Variants in FAM133A observed in about 807,000 individuals in gnomAD.
FAM133A encodes protein FAM133A.
For missense variants in FAM133A, 159 were observed against 164.4 expected (o/e 0.97, Z 0.18); for synonymous variants, 65 against 58.6 (o/e 1.11, Z -0.50).
intron 3 of FAM133A, among the ~76,000 whole-genome samples, chrX:93,701,079 T>C (rs1220946609): frequency 1.8e-5 from 2 of 111,316 alleles, no homozygotes; most frequent in Non-Finnish European, 3.8e-5. Context: ...GCTAGGGAAA[T>C]GTTGACATAT....
intron 2 of FAM133A, among the ~76,000 whole-genome samples, chrX:93,697,436 G>T (rs1001889416): frequency 1.8e-5 from 2 of 110,248 alleles, no homozygotes; most frequent in Non-Finnish European, 3.8e-5. Flanking sequence ...GTAAAACTGA[G>T]AAATGTTTAC....
intron 2 of FAM133A, among the ~76,000 whole-genome samples, chrX:93,686,908 C>T (rs993436729): frequency 1.8e-5 from 2 of 112,326 alleles, no homozygotes; most frequent in African/African-American, 3.2e-5. Context: ...CATGGCCATT[C>T]ACTGTCTGGC....
At chrX:93,706,424 C>G (rs1015340033) in intron 3 of FAM133A, among the ~76,000 whole-genome samples, 4 of 111,583 alleles carry the variant, frequency 3.6e-5, no homozygotes, top group African/African-American at 6.5e-5. Context: ...CTTTTTTCCA[C>G]TTGAAATTTC....
Position 93,709,834 on chromosome X carries a change from T to G in FAM133A, c.415T>G (p.Tyr139Asp). 8.3e-7 allele frequency: 1 copy of G among 1,201,798 alleles called. No homozygotes were observed. Among genetic ancestry groups the G allele is most frequent in the Non-Finnish European group, 1.1e-6 (1 of 890,331 alleles). Residue 139 changes from tyrosine to aspartate, a missense_variant, in exon 4 of 4, where the codon TAC becomes GAC. Transcript: ENST00000683942. ...KRRKKKKNRS[Y>D]KSSQSSTHES... is the part of the protein sequence containing the mutation. ...GAGAAAGAAAAAGAAGAACCGTTCA[T>G]ACAAATCATCCCAAAGCTCTACGCA...
intron 2 of FAM133A, among the ~76,000 whole-genome samples, chrX:93,676,071 C>A (rs919340703): frequency 2.7e-5 from 3 of 110,656 alleles, no homozygotes; most frequent in African/African-American, 9.8e-5. Context: ...TCTTCTAGTA[C>A]CATTTATTTG....
intron 3 of FAM133A, among the ~76,000 whole-genome samples, chrX:93,707,303 T>A (rs1473949080): frequency 1.8e-5 from 2 of 110,841 alleles, no homozygotes; most frequent in Non-Finnish European, 1.9e-5. Flanking sequence ...GAGAATAAGA[T>A]CAAGAACACA....
Position 93,676,801 on chromosome X carries a change from T to C in FAM133A, c.-193+2049T>C, listed in dbSNP as rs370779742. On this transcript the variant is annotated intron_variant, in intron 2 of 3. Coordinates refer to ENST00000683942, the MANE Select transcript of FAM133A (RefSeq NM_001171109.2). ...ACTAATCAACAATTGTTATTTTCAA[T>C]TTGGAATTATTTTTTCCAGATATAG... 9.0e-5 allele frequency among the ~76,000 whole-genome samples: 10 copies of C among 110,871 alleles called. No homozygotes were observed. In the South Asian group the frequency reaches 1.5e-3, roughly 17 times the overall value.
At chrX:93,695,398 C>T (rs1926164928) in intron 2 of FAM133A, among the ~76,000 whole-genome samples, 2 of 109,778 alleles carry the variant, frequency 1.8e-5, no homozygotes, top group Non-Finnish European at 3.8e-5. Context: ...GGATTACAGG[C>T]GCGTGCCACC....
In FAM133A at chrX:93,709,302, C is replaced by T; in HGVS notation, c.-103-15C>T. Reference sequence around the variant, plus strand: ...TAAAGGTGATTTGTAATCATTCCATCTGCTTCTCTTACAGAATGGAGCTTG... The same window carrying T: ...TAAAGGTGATTTGTAATCATTCCATTTGCTTCTCTTACAGAATGGAGCTTG... On this transcript the variant is annotated splice_polypyrimidine_tract_variant and intron_variant, in intron 3 of 3. Coordinates refer to ENST00000683942, the MANE Select transcript of FAM133A (RefSeq NM_001171109.2). 1.1e-6 allele frequency: 1 copy of T among 939,676 alleles called. No homozygotes were observed. Among genetic ancestry groups the T allele is most frequent in the Non-Finnish European group, 1.4e-6 (1 of 728,168 alleles). 77.4% of individuals were successfully genotyped at this position (939,676 alleles called of 1,213,427 possible). A position where few individuals can be genotyped will look rare whatever the true frequency, so the allele number is the denominator to read the frequency against.
At chrX:93,701,044 CAT>C (rs1447845792) in intron 3 of FAM133A, among the ~76,000 whole-genome samples, 2 of 111,387 alleles carry the variant, frequency 1.8e-5, no homozygotes, top group African/African-American at 3.3e-5. Context: ...GACGAGATGA[CAT>C]GTGTATCTTG....
At chrX:93,697,180 T>G (rs1190560654) in intron 2 of FAM133A, among the ~76,000 whole-genome samples, 31 of 74,506 alleles carry the variant, frequency 4.2e-4, no homozygotes, top group Non-Finnish European at 6.3e-4. Context: ...TATATATATA[T>G]ATATATATAT....
intron 2 of FAM133A, among the ~76,000 whole-genome samples, chrX:93,687,637 A>T (rs1246870443): frequency 5.4e-5 from 6 of 111,905 alleles, no homozygotes; most frequent in Non-Finnish European, 1.1e-4. Flanking sequence ...ATCACCTTAA[A>T]CATCATTTCT....
At chrX:93,705,893 C>A (rs755469815) in intron 3 of FAM133A, among the ~76,000 whole-genome samples, 5 of 111,144 alleles carry the variant, frequency 4.5e-5, no homozygotes, top group Non-Finnish European at 9.5e-5. Flanking sequence ...TAAAAAAAAA[C>A]ACAAAAGAAT....
rs370025513 is a variant in FAM133A, at chrX:93,709,969, T to C, written c.550T>C (p.Tyr184His). The stretch of plus-strand genomic sequence containing the variant: ...CCTCAGCAAAAAAAGAAAGAAAAGT[T>C]ACCCTGATGATAAACCTTTATCATC... ...RSLSKKRKKSYPDDKPLSSES... is the reference protein window; with the variant it reads ...RSLSKKRKKSHPDDKPLSSES... The change falls in exon 4 of 4, where the codon TAC (tyrosine) becomes CAC (histidine). Residue 184 changes from tyrosine to histidine, a missense_variant. By Grantham distance (83) the Tyr-to-His change is moderately conservative. Transcript: ENST00000683942. 1.7e-6 allele frequency: 2 copies of C among 1,188,762 alleles called. No homozygotes were observed. Among genetic ancestry groups the C allele is most frequent in the African/African-American group, 3.6e-5 (2 of 55,395 alleles).
chrX:93,676,639 TGTG>T (rs1924724205), intron 2 of FAM133A, among the ~76,000 whole-genome samples: 2 of 109,062 alleles, frequency 1.8e-5, no homozygotes, highest in South Asian at 4.0e-4. Context: ...TTTGGATACT[TGTG>T]GGGTTTTTTG....
At chrX:93,705,408 T>C (rs2147662976) in intron 3 of FAM133A, among the ~76,000 whole-genome samples, 1 of 111,578 alleles carries the variant, frequency 9.0e-6, no homozygotes, top group African/African-American at 3.2e-5. Flanking sequence ...TTTGTTGGTG[T>C]TACTTTTTCT....
intron 3 of FAM133A, among the ~76,000 whole-genome samples, chrX:93,703,552 A>C (rs1239810289): frequency 1.8e-5 from 2 of 112,389 alleles, no homozygotes; most frequent in Non-Finnish European, 1.9e-5. Context: ...AATCTAAAAT[A>C]TTTTAAATAA....
At chrX:93,700,783 A>G (rs887532239) in intron 3 of FAM133A, among the ~76,000 whole-genome samples, 2 of 111,663 alleles carry the variant, frequency 1.8e-5, no homozygotes, top group Non-Finnish European at 3.8e-5. Context: ...TAAATAACGT[A>G]GTACTTTTGG....
At chrX:93,676,361 A>G (rs1381317155) in intron 2 of FAM133A, among the ~76,000 whole-genome samples, 1 of 111,514 alleles carries the variant, frequency 9.0e-6, no homozygotes, top group African/African-American at 3.2e-5. Context: ...CTCCAAATTA[A>G]TTTATCAATA....
Sources: allele counts gnomAD v4.1 joint callset (sites outside exome capture counted in the v4.1 genomes callset), GRCh38; gene constraint gnomAD v4.1.1; transcripts MANE v1.5; gene names NCBI Gene and HGNC (gene_info 2026-07-23, HGNC 2026-07-21).